The following LRP1B variants were observed in gnomAD, a reference collection of about 807,000 sequenced individuals.
LRP1B encodes the protein low-density lipoprotein receptor-related protein 1B.
A neutral mutation model predicts 556.6 loss-of-function variants in LRP1B; 217 were observed. The ratio of observed to expected loss-of-function variants is 0.39; its 90% CI spans 0.35 to 0.44. The LOEUF is 0.44. Among genes scored for constraint, LRP1B ranks in the 20% least tolerant of loss-of-function variants. The pLI is 1.00. For missense variants in LRP1B, 5,053 were observed against 5,620.8 expected (o/e 0.90, Z 3.23); for synonymous variants, 2,047 against 1,865.8 (o/e 1.10, Z -2.50).
At chr2:140,390,222 C>T (rs1400584834) in intron 66 of LRP1B, among the ~76,000 whole-genome samples, 10 of 151,990 alleles carry the variant, frequency 6.6e-5, no homozygotes, top group African/African-American at 1.9e-4. Context: ...GGAGAATTTA[C>T]AGTACTTGAT....
intron 67 of LRP1B, among the ~76,000 whole-genome samples, chr2:140,379,261 T>G (rs1399916327): frequency 6.6e-6 from 1 of 152,214 alleles, no homozygotes; most frequent in East Asian, 1.9e-4. Context: ...AATATCCATA[T>G]GATGCCTGAT....
intron 51 of LRP1B, among the ~76,000 whole-genome samples, chr2:140,514,106 A>G (rs1483045177): frequency 1.3e-5 from 2 of 152,180 alleles, no homozygotes; most frequent in East Asian, 3.9e-4. Flanking sequence ...AGTTAAGTAT[A>G]GATACGTGAC....
At position 141,892,650 on chromosome 2, in the gene LRP1B, C is replaced by A. The variant is rs114089006; in HGVS notation, c.83-82249G>T. ...TTAATTAATTTAACATTCATACTAA[C>A]CCTGGAGGGAAGCTTTTATGATACC... On this transcript the variant is annotated intron_variant, in intron 1 of 90. Coordinates refer to ENST00000389484, the MANE Select transcript of LRP1B (RefSeq NM_018557.3). 2.8e-3 allele frequency among the ~76,000 whole-genome samples: 420 copies of A among 152,214 alleles called. 1 individual carries two copies. The highest frequency in any genetic ancestry group is 9.4e-3 in the African/African-American group (389 of 41,538).
At chr2:141,790,917 G>T (rs527479682) in intron 2 of LRP1B, among the ~76,000 whole-genome samples, 1 of 152,016 alleles carries the variant, frequency 6.6e-6, no homozygotes, top group Non-Finnish European at 1.5e-5. Flanking sequence ...AATGTTATAT[G>T]CATTACAAAT....
chr2:141,783,337 C>G (rs569172849), intron 2 of LRP1B, among the ~76,000 whole-genome samples: 1 of 151,924 alleles, frequency 6.6e-6, no homozygotes, highest in South Asian at 2.1e-4. Flanking sequence ...TGGGTAGAAC[C>G]AAGGTAAAAA....
chr2:140,982,457 A>G (rs1302602895), intron 17 of LRP1B, among the ~76,000 whole-genome samples, 181 bp from the exon 18 acceptor site: 1 of 152,160 alleles, frequency 6.6e-6, no homozygotes, highest in Non-Finnish European at 1.5e-5. Context: ...GTCTTCTCTA[A>G]AGTTCACATG....
intron 66 of LRP1B, among the ~76,000 whole-genome samples, chr2:140,396,772 A>G (rs1684275805): frequency 6.6e-6 from 1 of 152,172 alleles, no homozygotes; most frequent in Admixed American, 6.6e-5. Flanking sequence ...GAACACAGGT[A>G]TTTATTTCAT....
chr2:141,449,293 A>C (rs551601996), intron 3 of LRP1B, among the ~76,000 whole-genome samples: 2 of 152,334 alleles, frequency 1.3e-5, no homozygotes, highest in Admixed American at 1.3e-4. Flanking sequence ...TTCAATTACA[A>C]TGTTATGACT....
chr2:140,977,173 G>C (rs1183305372), intron 18 of LRP1B, among the ~76,000 whole-genome samples: 1 of 152,126 alleles, frequency 6.6e-6, no homozygotes, highest in Non-Finnish European at 1.5e-5. Context: ...CCAGTGGGAG[G>C]TAATTGAAAC....
At chr2:141,930,503 C>A (rs1185154565) in intron 1 of LRP1B, among the ~76,000 whole-genome samples, 1 of 151,958 alleles carries the variant, frequency 6.6e-6, no homozygotes, top group Admixed American at 6.6e-5. Context: ...ATTTAGTGAA[C>A]TGCCACACTG....
At chr2:141,680,518 C>T (rs1365425927) in intron 2 of LRP1B, among the ~76,000 whole-genome samples, 1 of 152,044 alleles carries the variant, frequency 6.6e-6, no homozygotes, top group African/African-American at 2.4e-5. Flanking sequence ...CAGTCATTAC[C>T]AGGGCATACA....
At chr2:141,916,290 G>C (rs1700029547) in intron 1 of LRP1B, among the ~76,000 whole-genome samples, 1 of 151,952 alleles carries the variant, frequency 6.6e-6, no homozygotes, top group Non-Finnish European at 1.5e-5. Flanking sequence ...TGCACCAGAA[G>C]GCCATTATCC....
Position 140,274,606 on chromosome 2 carries a change from A to G in LRP1B, c.12968-8T>C. ...AATAGTGGTGGCACACGTCTAGGAAAAAAAGGCACAACAGAAAAATAAAAT... is the reference window on the plus strand; with the variant it reads ...AATAGTGGTGGCACACGTCTAGGAAGAAAAGGCACAACAGAAAAATAAAAT... On this transcript the variant is annotated splice_polypyrimidine_tract_variant and splice_region_variant and intron_variant, in intron 84 of 90. Coordinates refer to ENST00000389484, the MANE Select transcript of LRP1B (RefSeq NM_018557.3). 6 of 1,605,162 alleles carry G rather than the reference A, an allele frequency of 3.7e-6. No homozygotes were observed. Among genetic ancestry groups the G allele is most frequent in the Non-Finnish European group, 5.1e-6 (6 of 1,175,228 alleles).
intron 1 of LRP1B, among the ~76,000 whole-genome samples, chr2:141,826,933 G>T (rs944065323): frequency 1.3e-5 from 2 of 151,586 alleles, no homozygotes; most frequent in African/African-American, 4.9e-5. Context: ...TTAAATATCC[G>T]CGTTTCTGTC....
At chr2:141,140,371 T>A (rs1377412023) in intron 7 of LRP1B, among the ~76,000 whole-genome samples, 1 of 152,104 alleles carries the variant, frequency 6.6e-6, no homozygotes, top group Admixed American at 6.6e-5. Context: ...ATTAATAAGG[T>A]TCTTAAAAAG....
chr2:141,689,855 T>C (rs1282438817), intron 2 of LRP1B, among the ~76,000 whole-genome samples: 1 of 151,832 alleles, frequency 6.6e-6, no homozygotes, highest in Non-Finnish European at 1.5e-5. Context: ...AAATTTATTA[T>C]GAAAATATTA....
chr2:140,857,782 TG>T (rs1432092881), intron 27 of LRP1B, among the ~76,000 whole-genome samples: 10 of 152,254 alleles, frequency 6.6e-5, no homozygotes, highest in African/African-American at 2.4e-4. Context: ...ATGCAGCTTT[TG>T]GTGTAAAAGG....
Position 141,357,549 on chromosome 2 carries a change from C to T in LRP1B, c.344-102908G>A, listed in dbSNP as rs774927821. Among the ~76,000 whole-genome samples the T allele has an allele frequency of 4.4e-4, 67 of 152,204 alleles. 1 individual carries two copies. The highest frequency in any genetic ancestry group is 3.4e-3 in the Middle Eastern group (1 of 294). On this transcript the variant is annotated intron_variant, in intron 3 of 90. Transcript: ENST00000389484. ...CGCGCTGAATTTATAATTATGATAT[C>T]AAGAAATAATAATCTAATTGTTTAA... is the stretch of plus-strand genomic sequence containing the variant.
At chr2:140,768,176 A>G (rs1381332120) in intron 35 of LRP1B, among the ~76,000 whole-genome samples, 1 of 151,918 alleles carries the variant, frequency 6.6e-6, no homozygotes, top group Non-Finnish European at 1.5e-5. Context: ...CAATCTACTT[A>G]AGAAAACTCA....
Sources: gnomAD v4.1 joint callset for allele counts (sites outside exome capture counted in the v4.1 genomes callset) on GRCh38, gnomAD v4.1.1 for gene constraint, MANE v1.5 for transcripts, NCBI Gene and HGNC (gene_info 2026-07-23, HGNC 2026-07-21) for gene names.